Variants in GRIN2A observed in about 807,000 individuals in gnomAD.
GRIN2A encodes the protein glutamate ionotropic receptor NMDA type subunit 2A, also known as glutamate receptor ionotropic, NMDA 2A.
Under a neutral mutation model 113.4 loss-of-function variants are expected in GRIN2A, and 22 were observed. The observed-to-expected ratio is 0.19, with a 90% CI of 0.14 to 0.28. The LOEUF (loss-of-function observed/expected upper bound fraction) is 0.28, where lower values mean the gene tolerates loss of function less well. Among genes scored for constraint, GRIN2A ranks in the 10% least tolerant of loss-of-function variants. GRIN2A has a pLI of 1.00. For synonymous variants in GRIN2A, 827 were observed against 738.4 expected (o/e 1.12, Z -1.94); for missense variants, 1,502 against 1,887.0 (o/e 0.80, Z 3.78).
At chr16:9,771,118 G>C (rs1457371978) in intron 11 of GRIN2A, among the ~76,000 whole-genome samples, 2 of 151,796 alleles carry the variant, frequency 1.3e-5, no homozygotes, top group African/African-American at 4.8e-5. Flanking sequence ...TAGTGTTTGG[G>C]GTTTTAGCCA....
intron 4 of GRIN2A, among the ~76,000 whole-genome samples, chr16:9,861,057 T>G (rs2043058569): frequency 6.6e-6 from 1 of 152,090 alleles, no homozygotes; most frequent in Non-Finnish European, 1.5e-5. Flanking sequence ...GACAGGAAAT[T>G]TATTAAAACC....
Position 9,756,142 on chromosome 16 carries a change from A to T in GRIN2A, c.*7007T>A, listed in dbSNP as rs1567268469. On this transcript the variant is annotated 3_prime_UTR_variant, in exon 13 of 13. Coordinates refer to ENST00000330684, the MANE Select transcript of GRIN2A (RefSeq NM_001134407.3). ...CACATGGCTGTGTGTGTGTGTGTGC[A>T]TACCCACACACATGAGAGCATGTAC... is the stretch of plus-strand genomic sequence containing the variant. The T allele has an allele frequency of 4.4e-6, 1 of 227,506 alleles. No individual in the cohort carries two copies. The highest frequency in any genetic ancestry group is 6.3e-5 in the East Asian group (1 of 15,920). 14.1% of individuals were successfully genotyped at this position (227,506 alleles called of 1,614,324 possible).
chr16:9,815,662 T>C (rs1034298045), intron 10 of GRIN2A, among the ~76,000 whole-genome samples: 3 of 152,176 alleles, frequency 2.0e-5, no homozygotes, highest in Non-Finnish European at 4.4e-5. Context: ...ATTGGAACCC[T>C]TGTGCACTGT....
chr16:10,101,759 A>G (rs1286459555), intron 2 of GRIN2A, among the ~76,000 whole-genome samples: 1 of 152,224 alleles, frequency 6.6e-6, no homozygotes, highest in Non-Finnish European at 1.5e-5. Flanking sequence ...AAGTAGAGGG[A>G]GACAAGAGAA....
At chr16:9,891,383 A>G (rs1274319139) in intron 3 of GRIN2A, among the ~76,000 whole-genome samples, 1 of 152,216 alleles carries the variant, frequency 6.6e-6, no homozygotes, top group Non-Finnish European at 1.5e-5. Flanking sequence ...ATCTGAAAAC[A>G]CATTCTATTA....
intron 3 of GRIN2A, among the ~76,000 whole-genome samples, chr16:9,924,116 A>C (rs2044408835): frequency 6.7e-6 from 1 of 150,060 alleles, no homozygotes; most frequent in African/African-American, 2.5e-5. Flanking sequence ...GTCTCAAAAA[A>C]AAAAAAAAAA....
At chr16:9,833,210 G>A (rs981812269) in intron 8 of GRIN2A, among the ~76,000 whole-genome samples, 4 of 152,138 alleles carry the variant, frequency 2.6e-5, no homozygotes, top group African/African-American at 7.2e-5. Context: ...TATAGCTAAC[G>A]AATGCCTCCC....
intron 3 of GRIN2A, among the ~76,000 whole-genome samples, chr16:9,924,524 G>T (rs1330906560): frequency 6.6e-6 from 1 of 152,098 alleles, no homozygotes; most frequent in Non-Finnish European, 1.5e-5. Context: ...TGAGAAATTT[G>T]ATTATGCTAT....
intron 2 of GRIN2A, among the ~76,000 whole-genome samples, chr16:10,086,321 G>C (rs1419708037): frequency 6.6e-6 from 1 of 152,174 alleles, no homozygotes; most frequent in African/African-American, 2.4e-5. Context: ...ATGCTCAACA[G>C]ATGTGGATAA....
intron 11 of GRIN2A, among the ~76,000 whole-genome samples, chr16:9,781,334 C>T (rs1053798484): frequency 6.6e-6 from 1 of 152,090 alleles, no homozygotes; most frequent in African/African-American, 2.4e-5. Flanking sequence ...TACATTGATC[C>T]ACTATTACTA....
intron 2 of GRIN2A, among the ~76,000 whole-genome samples, chr16:10,134,898 G>C (rs1206148327): frequency 6.6e-6 from 1 of 151,480 alleles, no homozygotes; most frequent in Non-Finnish European, 1.5e-5. Flanking sequence ...AGCACTCTGT[G>C]TGGCTGAATA....
chr16:9,856,315 A>G (rs766850695), intron 4 of GRIN2A, among the ~76,000 whole-genome samples: 3 of 152,184 alleles, frequency 2.0e-5, no homozygotes, highest in Non-Finnish European at 4.4e-5. Context: ...TTTAAAGGTT[A>G]CAACAAGGCC....
chr16:9,887,326 G>A (rs939961149), intron 4 of GRIN2A, among the ~76,000 whole-genome samples: 1 of 152,126 alleles, frequency 6.6e-6, no homozygotes, highest in Non-Finnish European at 1.5e-5. Context: ...CTGTGCCCCT[G>A]TCCTGTCAAC....
intron 3 of GRIN2A, among the ~76,000 whole-genome samples, chr16:9,896,340 T>C (rs185035145): frequency 6.6e-6 from 1 of 152,186 alleles, no homozygotes; most frequent in Non-Finnish European, 1.5e-5. Context: ...TGAGCCACCA[T>C]GCCCAGCCAA....
intron 4 of GRIN2A, among the ~76,000 whole-genome samples, chr16:9,881,840 A>C (rs2043487314): frequency 6.6e-6 from 1 of 152,230 alleles, no homozygotes; most frequent in Non-Finnish European, 1.5e-5. Context: ...AGAATGTGTC[A>C]CAATGTTCTT....
intron 2 of GRIN2A, among the ~76,000 whole-genome samples, chr16:10,017,358 A>G (rs1239233931): frequency 2.6e-5 from 4 of 152,136 alleles, no homozygotes; most frequent in Admixed American, 6.5e-5. Context: ...GTGGGGCGGC[A>G]GTCAGAGAAG....
At chr16:10,150,455 G>C (rs1017926403) in intron 2 of GRIN2A, among the ~76,000 whole-genome samples, 1 of 152,128 alleles carries the variant, frequency 6.6e-6, no homozygotes, top group African/African-American at 2.4e-5. Flanking sequence ...ACAAAACCAG[G>C]TCTATTTTAA....
chr16:9,911,574 G>C (rs1055754897), intron 3 of GRIN2A, among the ~76,000 whole-genome samples: 1 of 152,106 alleles, frequency 6.6e-6, no homozygotes, highest in Non-Finnish European at 1.5e-5. Flanking sequence ...AGAGTCCTGA[G>C]CACCATCCCA....
chr16:9,801,711 G>A (rs557416233), intron 10 of GRIN2A, among the ~76,000 whole-genome samples: 1 of 152,240 alleles, frequency 6.6e-6, no homozygotes, highest in Non-Finnish European at 1.5e-5. Flanking sequence ...TGCAAAAGAT[G>A]TGGTTGACTC....
Sources: gnomAD v4.1 joint callset for allele counts (sites outside exome capture counted in the v4.1 genomes callset) on GRCh38, gnomAD v4.1.1 for gene constraint, MANE v1.5 for transcripts, NCBI Gene and HGNC (gene_info 2026-07-23, HGNC 2026-07-21) for gene names.